Variants in NIM1K observed in about 807,000 individuals in gnomAD.
The protein encoded by NIM1K is NIM1 serine/threonine protein kinase, also known as serine/threonine-protein kinase NIM1.
NIM1K carries 35 observed loss-of-function variants against 37.1 expected under a neutral mutation model. The observed-to-expected ratio is 0.94, with a 90% CI of 0.72 to 1.25. The LOEUF (loss-of-function observed/expected upper bound fraction) is 1.25. Among genes scored for constraint, NIM1K ranks in the 50% most tolerant of loss-of-function variants. NIM1K has a pLI of 0.00. For synonymous variants in NIM1K, 234 were observed against 206.6 expected, an observed-to-expected ratio of 1.13 and a Z score of -1.14; for missense variants, 564 against 548.0, an observed-to-expected ratio of 1.03 and a Z score of -0.29.
chr5:43,256,155 C>T (rs1322240812), intron 2 of NIM1K, among the ~76,000 whole-genome samples: 1 of 152,088 alleles, frequency 6.6e-6, no homozygotes, highest in African/African-American at 2.4e-5. Flanking sequence ...TGGGGAGTGA[C>T]ATGATCTGGC....
At chr5:43,249,850 G>GTTTTTT (rs70994677) in intron 2 of NIM1K, among the ~76,000 whole-genome samples, 9 of 116,178 alleles carry the variant, frequency 7.7e-5, no homozygotes, top group Non-Finnish European at 1.2e-4. Flanking sequence ...GTATGGATTA[G>GTTTTTT]TTTTTTTTTT....
rs540453945 is a variant in NIM1K, at chr5:43,277,313, C to A, written c.549C>A (p.Ala183=). 2 of 1,613,638 alleles carry A rather than the reference C, an allele frequency of 1.2e-6. No individual in the cohort carries two copies. Among genetic ancestry groups the A allele is most frequent in the African/African-American group, 2.7e-5 (2 of 74,910 alleles). Residue 183 remains alanine (A), a synonymous_variant, in exon 3 of 4, where the codon GCC becomes GCA. Transcript: ENST00000326035. ...TCATCTTCTCCCAGATTGTGTCTGCCGTGAAGCACATGGTGAGCAGGGGTG... is the reference window on the plus strand; with the variant it reads ...TCATCTTCTCCCAGATTGTGTCTGCAGTGAAGCACATGGTGAGCAGGGGTG... ...SKLIFSQIVS[A]VKHMHENQII...
At chr5:43,203,198 G>T (rs1652816597) in intron 1 of NIM1K, among the ~76,000 whole-genome samples, 1 of 151,986 alleles carries the variant, frequency 6.6e-6, no homozygotes, top group South Asian at 2.1e-4. Flanking sequence ...AATTCTTACT[G>T]CTCTAGGATT....
intron 1 of NIM1K, among the ~76,000 whole-genome samples, chr5:43,198,191 CTTTCTTTCTT>C (rs1451143132): frequency 3.5e-5 from 2 of 57,954 alleles, no homozygotes; most frequent in East Asian, 6.5e-4. Flanking sequence ...TTCTTTCTTT[CTTTCTTTCTT>C]TCTTTCTCTT....
At chr5:43,270,156 T>A (rs1753233489) in intron 2 of NIM1K, among the ~76,000 whole-genome samples, 1 of 152,222 alleles carries the variant, frequency 6.6e-6, no homozygotes, top group Admixed American at 6.5e-5. Flanking sequence ...ACTTATTCTG[T>A]TTAAGGAGGC....
intron 2 of NIM1K, among the ~76,000 whole-genome samples, chr5:43,249,311 C>T (rs568663851): frequency 8.6e-5 from 13 of 151,782 alleles, no homozygotes; most frequent in Non-Finnish European, 1.5e-4. Context: ...CCTCGTGATC[C>T]GCTACCTCGG....
At chr5:43,198,743 T>A (rs913501691) in intron 1 of NIM1K, among the ~76,000 whole-genome samples, 5 of 152,120 alleles carry the variant, frequency 3.3e-5, no homozygotes, top group Non-Finnish European at 7.4e-5. Flanking sequence ...GACCCTGAGG[T>A]CAGACAGTCT....
chr5:43,260,752 C>G (rs989914982), intron 2 of NIM1K, among the ~76,000 whole-genome samples: 1 of 151,904 alleles, frequency 6.6e-6, no homozygotes, highest in Non-Finnish European at 1.5e-5. Context: ...TAATGCTATC[C>G]CTCCCCCCTT....
At chr5:43,277,763 C>T (rs1579616862) in intron 3 of NIM1K, among the ~76,000 whole-genome samples, 1 of 149,300 alleles carries the variant, frequency 6.7e-6, no homozygotes, top group Non-Finnish European at 1.5e-5. Context: ...TCTCTCTCTC[C>T]CCCACCCCCC....
At chr5:43,232,508 G>A (rs1752554634) in intron 1 of NIM1K, 13 of 1,541,126 alleles carry the variant, frequency 8.4e-6, no homozygotes, top group Non-Finnish European at 1.2e-5. Context: ...AGTATAGGTT[G>A]GGCGTTCAGT....
chr5:43,258,621 T>C (rs1189482668), intron 2 of NIM1K, among the ~76,000 whole-genome samples: 1 of 152,054 alleles, frequency 6.6e-6, no homozygotes, highest in East Asian at 1.9e-4. Context: ...TTTTAAATGT[T>C]TTGTAGATAT....
chr5:43,265,280 A>G (rs1753123626), intron 2 of NIM1K, among the ~76,000 whole-genome samples: 1 of 152,094 alleles, frequency 6.6e-6, no homozygotes, highest in African/African-American at 2.4e-5. Context: ...TGGTCTTTTC[A>G]TATAGTCCCA....
chr5:43,206,733 G>C (rs1322668221), intron 1 of NIM1K: 3 of 737,176 alleles, frequency 4.1e-6, no homozygotes, highest in Non-Finnish European at 7.6e-6. Flanking sequence ...CAGCACACTT[G>C]ACTTCATGCT....
Position 43,277,202 on chromosome 5 carries a change from G to T in NIM1K, c.438G>T (p.Leu146=), listed in dbSNP as rs769264362. The T allele has an allele frequency of 1.2e-6, 2 of 1,613,986 alleles. No individual in the cohort carries two copies. Among genetic ancestry groups the T allele is most frequent in the African/African-American group, 2.7e-5 (2 of 74,912 alleles). The change falls in exon 3 of 4, where the codon CTG becomes CTT. Residue 146 remains leucine (L), a synonymous_variant. Coordinates refer to ENST00000326035, the MANE Select transcript of NIM1K (RefSeq NM_153361.4). The stretch of plus-strand genomic sequence containing the variant: ...AAGTGGTGGAGACCCTATCCAAGCT[G>T]CACTTGGTGATGGAGTATGCAGGGG... ...LYEVVETLSK[L]HLVMEYAGGG... is the part of the protein sequence containing the mutation.
chr5:43,266,629 A>C (rs1243084338), intron 2 of NIM1K, among the ~76,000 whole-genome samples: 1 of 152,150 alleles, frequency 6.6e-6, no homozygotes, highest in Non-Finnish European at 1.5e-5. Flanking sequence ...CCCACTGTCC[A>C]ACAAGCCCCA....
chr5:43,204,416 C>G (rs1463990068), intron 1 of NIM1K, among the ~76,000 whole-genome samples: 1 of 151,300 alleles, frequency 6.6e-6, no homozygotes, highest in Non-Finnish European at 1.5e-5. Flanking sequence ...AAAAACAAGG[C>G]ACAGTCCAGG....
intron 2 of NIM1K, among the ~76,000 whole-genome samples, chr5:43,275,383 C>A (rs1347261236): frequency 2.0e-5 from 3 of 152,200 alleles, no homozygotes; most frequent in African/African-American, 7.2e-5. Flanking sequence ...CCTTTTTACA[C>A]ATGCATCCTT....
chr5:43,252,513 C>T (rs1752879866), intron 2 of NIM1K, among the ~76,000 whole-genome samples: 1 of 151,616 alleles, frequency 6.6e-6, no homozygotes, highest in Non-Finnish European at 1.5e-5. Context: ...AGAGGAGATT[C>T]CCAGGAAAGC....
intron 1 of NIM1K, among the ~76,000 whole-genome samples, chr5:43,239,797 T>C (rs1203892030): frequency 6.6e-6 from 1 of 152,100 alleles, no homozygotes; most frequent in Non-Finnish European, 1.5e-5. Flanking sequence ...CTCTTATTCT[T>C]TTTATCCTCA....
Sources: allele counts gnomAD v4.1 joint callset (sites outside exome capture counted in the v4.1 genomes callset), GRCh38; gene constraint gnomAD v4.1.1; transcripts MANE v1.5; gene names NCBI Gene and HGNC (gene_info 2026-07-23, HGNC 2026-07-21).